Variants in RGS6 observed in about 807,000 individuals in gnomAD.
RGS6 encodes the protein regulator of G-protein signaling 6.
RGS6 carries 30 observed loss-of-function variants against 78.5 expected under a neutral mutation model. The ratio of observed to expected loss-of-function variants is 0.38; its 90% CI spans 0.29 to 0.52. The LOEUF (loss-of-function observed/expected upper bound fraction) is 0.52, where lower values mean the gene tolerates loss of function less well. Ranked by LOEUF, RGS6 falls within the 20% of genes least tolerant of loss-of-function variation. The pLI is 0.85. For synonymous variants in RGS6, 206 were observed against 206.0 expected (o/e 1.00, Z 0.00); for missense variants, 495 against 609.7 (o/e 0.81, Z 1.98).
At chr14:72,557,366 T>C (rs1019788660) in intron 17 of RGS6, among the ~76,000 whole-genome samples, 5 of 152,226 alleles carry the variant, frequency 3.3e-5, no homozygotes, top group African/African-American at 1.2e-4. Context: ...CGGAATTCTT[T>C]GCATTCCCTT....
At chr14:71,877,539 G>A in the RGS6 span, among the ~76,000 whole-genome samples, 2 of 152,108 alleles carry the variant, frequency 1.3e-5, no homozygotes, top group Non-Finnish European at 2.9e-5. Context: ...GGTTATTTAA[G>A]GTCTTCTCTA....
intron 2 of RGS6, among the ~76,000 whole-genome samples, chr14:72,318,722 G>T (rs1018290110): frequency 6.6e-6 from 1 of 152,100 alleles, no homozygotes; most frequent in South Asian, 2.1e-4. Context: ...AAAGGATGAC[G>T]CCAATAAGCC....
intron 2 of RGS6, among the ~76,000 whole-genome samples, chr14:72,216,977 A>C (rs1599705773): frequency 1.3e-5 from 2 of 152,340 alleles, no homozygotes; most frequent in Admixed American, 1.3e-4. Context: ...TTCCTCAGCA[A>C]CAGAAAAACA....
chr14:72,088,718 A>G (rs1163072922), intron 2 of RGS6, among the ~76,000 whole-genome samples: 1 of 152,124 alleles, frequency 6.6e-6, no homozygotes, highest in Non-Finnish European at 1.5e-5. Flanking sequence ...TCTTAGAACA[A>G]CATCCACACT....
intron 3 of RGS6, among the ~76,000 whole-genome samples, chr14:72,385,839 T>C (rs1207728754): frequency 1.3e-5 from 2 of 152,224 alleles, no homozygotes. Context: ...AACTGCTCTT[T>C]AATTTGTCAA....
At position 72,467,050 on chromosome 14, in the gene RGS6, G is replaced by A. The variant is rs147626762; in HGVS notation, c.459+1228G>A. ...ATGAGACTTCTTGCAAAAATTAGAGGCCCCACCACCAAACTTGGGTCCATT... is the reference window on the plus strand; with the variant it reads ...ATGAGACTTCTTGCAAAAATTAGAGACCCCACCACCAAACTTGGGTCCATT... On this transcript the variant is annotated intron_variant, in intron 7 of 17. Transcript: ENST00000553525. Among the ~76,000 whole-genome samples, 640 of 152,044 alleles carry A rather than the reference G, an allele frequency of 4.2e-3. 4 individuals carry two copies. The highest frequency in any genetic ancestry group is 0.015 in the African/African-American group (603 of 41,464).
chr14:71,915,292 G>GT, the RGS6 span, among the ~76,000 whole-genome samples: 1 of 151,988 alleles, frequency 6.6e-6, no homozygotes, highest in African/African-American at 2.4e-5. Flanking sequence ...TTGGAGGAGA[G>GT]TAAGTAGAGA....
chr14:71,983,770 C>G (rs944805077), intron 2 of RGS6, among the ~76,000 whole-genome samples: 3 of 152,212 alleles, frequency 2.0e-5, no homozygotes, highest in African/African-American at 7.2e-5. Context: ...AATTACATCT[C>G]AAAGACCCTA....
At chr14:72,062,784 A>G (rs975016119) in intron 2 of RGS6, among the ~76,000 whole-genome samples, 3 of 152,156 alleles carry the variant, frequency 2.0e-5, no homozygotes, top group Non-Finnish European at 4.4e-5. Flanking sequence ...TGGTCATTCA[A>G]TGGATAGGTG....
chr14:72,228,653 G>C (rs994051634), intron 2 of RGS6, among the ~76,000 whole-genome samples: 7 of 152,154 alleles, frequency 4.6e-5, no homozygotes, highest in Non-Finnish European at 1.0e-4. Flanking sequence ...TAGTAGTGTG[G>C]GACTAAGTTC....
intron 3 of RGS6, among the ~76,000 whole-genome samples, chr14:72,454,045 T>C (rs567945201): frequency 6.6e-6 from 1 of 152,358 alleles, no homozygotes; most frequent in Non-Finnish European, 1.5e-5. Flanking sequence ...GAAAGAGGTC[T>C]TGGTGAATAC....
At chr14:72,268,058 A>G (rs899743954) in intron 2 of RGS6, among the ~76,000 whole-genome samples, 5 of 152,204 alleles carry the variant, frequency 3.3e-5, no homozygotes, top group East Asian at 1.9e-4. Flanking sequence ...TGTCCTCGCA[A>G]TTATTCTACA....
chr14:72,193,205 G>A (rs1335493646), intron 2 of RGS6, among the ~76,000 whole-genome samples: 1 of 152,138 alleles, frequency 6.6e-6, no homozygotes, highest in Non-Finnish European at 1.5e-5. Context: ...TGTTGGCCAG[G>A]CTGGTCTCGA....
intron 2 of RGS6, among the ~76,000 whole-genome samples, chr14:72,030,980 A>T (rs1184785770): frequency 7.1e-6 from 1 of 141,628 alleles, no homozygotes; most frequent in Non-Finnish European, 1.5e-5. Flanking sequence ...TTTAGCAACA[A>T]TTTTTTTTTT....
At position 72,566,449 on chromosome 14, in the gene RGS6, T is replaced by C. The variant is rs2097710984; in HGVS notation, c.*3982T>C. The C allele has an allele frequency of 6.6e-6, 1 of 152,232 alleles. No homozygotes were observed. The highest frequency in any genetic ancestry group is 1.5e-5 in the Non-Finnish European group (1 of 68,064). 9.4% of individuals were successfully genotyped at this position (152,232 alleles called of 1,614,324 possible). ...GCATGTGGTTCTCTTTAGTTTATTTTTCTGGAATTTGGGGATTGGACCCCA... is the reference window on the plus strand; with the variant it reads ...GCATGTGGTTCTCTTTAGTTTATTTCTCTGGAATTTGGGGATTGGACCCCA... On this transcript the variant is annotated 3_prime_UTR_variant, in exon 18 of 18. Coordinates refer to ENST00000553525, the MANE Select transcript of RGS6 (RefSeq NM_001204424.2).
chr14:71,991,048 G>T (rs1398594306), intron 2 of RGS6: 1 of 359,542 alleles, frequency 2.8e-6, no homozygotes, highest in African/African-American at 2.1e-5. Flanking sequence ...TTTTCTGTTT[G>T]TCTCCCTAGG....
At chr14:72,505,866 A>G (rs2153435857) in intron 13 of RGS6, among the ~76,000 whole-genome samples, 1 of 152,354 alleles carries the variant, frequency 6.6e-6, no homozygotes, top group South Asian at 2.1e-4. Flanking sequence ...GCATTGATAT[A>G]GACAATTGCT....
intron 2 of RGS6, among the ~76,000 whole-genome samples, chr14:72,264,354 G>A (rs570800214): frequency 1.3e-5 from 2 of 152,320 alleles, no homozygotes; most frequent in African/African-American, 4.8e-5. Context: ...AAATCTGTGT[G>A]AGTAGATAAC....
chr14:72,620,459 G>A, the RGS6 span, among the ~76,000 whole-genome samples: 1 of 152,204 alleles, frequency 6.6e-6, no homozygotes, highest in Non-Finnish European at 1.5e-5. Context: ...CCTCTTCAGG[G>A]TTTCATTAGA....
Sources: gnomAD v4.1 joint callset for allele counts (sites outside exome capture counted in the v4.1 genomes callset) on GRCh38, gnomAD v4.1.1 for gene constraint, MANE v1.5 for transcripts, NCBI Gene and HGNC (gene_info 2026-07-23, HGNC 2026-07-21) for gene names.